The following ADH4 variants were observed in gnomAD, a reference collection of about 807,000 sequenced individuals.
ADH4 encodes all-trans-retinol dehydrogenase [NAD(+)] ADH4.
A neutral mutation model predicts 35.2 loss-of-function variants in ADH4; 31 were observed. The ratio of observed to expected loss-of-function variants is 0.88; its 90% CI spans 0.66 to 1.19. ADH4 has a LOEUF of 1.19. ADH4 is among the 50% of genes most tolerant of loss of function. The pLI, the probability that ADH4 is intolerant of heterozygous loss-of-function variation, is 0.00. For missense variants in ADH4, 476 were observed against 458.3 expected (o/e 1.04, Z -0.35); for synonymous variants, 171 against 160.2 (o/e 1.07, Z -0.51).
At chr4:99,133,205 C>T (rs1054408554) in intron 5 of ADH4, among the ~76,000 whole-genome samples, 21 of 152,160 alleles carry the variant, frequency 1.4e-4, no homozygotes, top group Non-Finnish European at 1.3e-4. Flanking sequence ...AACTGGACCC[C>T]TGTGTGTAAA....
At chr4:99,137,214 G>A (rs1430294034) in intron 4 of ADH4, among the ~76,000 whole-genome samples, 2 of 151,862 alleles carry the variant, frequency 1.3e-5, no homozygotes, top group African/African-American at 4.8e-5. Flanking sequence ...TGCAACCTCC[G>A]CCTCCTGGGT....
chr4:99,137,106 C>T (rs373641569), intron 4 of ADH4, among the ~76,000 whole-genome samples: 29 of 146,258 alleles, frequency 2.0e-4, no homozygotes, highest in South Asian at 2.3e-4. Flanking sequence ...TGCACCACTA[C>T]GCCTGGCTAA....
intron 5 of ADH4, among the ~76,000 whole-genome samples, chr4:99,132,481 T>G (rs1373794623): frequency 1.3e-5 from 2 of 151,890 alleles, no homozygotes; most frequent in African/African-American, 4.8e-5. Flanking sequence ...TTTTTGCTTT[T>G]CTTTTATTAT....
At chr4:99,138,276 T>C (rs1051923747) in intron 4 of ADH4, among the ~76,000 whole-genome samples, 1 of 152,224 alleles carries the variant, frequency 6.6e-6, no homozygotes, top group Non-Finnish European at 1.5e-5. Flanking sequence ...AACAAGTCTA[T>C]GAAGCAGGCA....
In ADH4 at chr4:99,124,375, C is replaced by G. The variant is rs1017036821; in HGVS notation, c.*67G>C. ...CATGGCTTTCCTTGGTTCATCAAAT[C>G]AGGTAATAAATTAACCAGGCAGGTT... On this transcript the variant is annotated 3_prime_UTR_variant, in exon 9 of 9. Coordinates refer to ENST00000265512, the MANE Select transcript of ADH4 (RefSeq NM_000670.5). The G allele has an allele frequency of 1.8e-6, 2 of 1,111,798 alleles. No individual in the cohort carries two copies. The highest frequency in any genetic ancestry group is 1.3e-6 in the Non-Finnish European group (1 of 752,160). 68.9% of individuals were successfully genotyped at this position (1,111,798 alleles called of 1,614,324 possible).
intron 4 of ADH4, among the ~76,000 whole-genome samples, chr4:99,137,543 T>G (rs1729482974): frequency 6.6e-6 from 1 of 152,218 alleles, no homozygotes; most frequent in Non-Finnish European, 1.5e-5. Context: ...ATTACAGGCA[T>G]GACCCACCGC....
chr4:99,134,287 G>A (rs982378610), intron 5 of ADH4, among the ~76,000 whole-genome samples: 3 of 152,070 alleles, frequency 2.0e-5, no homozygotes, highest in African/African-American at 7.2e-5. Context: ...TCTGAAAATT[G>A]CTAAGATAGT....
intron 6 of ADH4, among the ~76,000 whole-genome samples, chr4:99,128,104 A>G (rs1197965595): frequency 6.6e-6 from 1 of 152,030 alleles, no homozygotes; most frequent in Non-Finnish European, 1.5e-5. Flanking sequence ...GTTTAACCTT[A>G]TGGTTCTTAC....
Position 99,139,144 on chromosome 4 carries a change from G to T in ADH4, c.267C>A (p.Asp89Glu). ...GAGGTGCATAAAGTGGAATTACTTT[G>T]TCACCTAGAAAGAAAGGCCATATGT... ...GPGVTNVKPG[D>E]KVIPLYAPLC... Residue 89 changes from aspartate (D) to glutamate (E), a missense_variant, in exon 4 of 9, where the codon GAC becomes GAA. Transcript: ENST00000265512. 1 of 1,611,438 alleles carries T rather than the reference G, an allele frequency of 6.2e-7. No homozygotes were observed. The highest frequency in any genetic ancestry group is 8.5e-7 in the Non-Finnish European group (1 of 1,178,204).
intron 1 of ADH4, chr4:99,143,165 C>T (rs1331229962): frequency 2.8e-6 from 2 of 701,836 alleles, no homozygotes; most frequent in Non-Finnish European, 5.2e-6. Flanking sequence ...CTCTGAATTA[C>T]CTGAGTCAGA....
At position 99,142,756 on chromosome 4, in the gene ADH4, C is replaced by T. The variant is rs1465972449; in HGVS notation, c.43G>A (p.Ala15Thr). 31 of 1,602,154 alleles carry T rather than the reference C, an allele frequency of 1.9e-5. No homozygotes were observed. The highest frequency in any genetic ancestry group is 3.4e-5 in the South Asian group (3 of 89,068). The part of the protein sequence containing the change: ...GKVIKCKAAI[A>T]WEAGKPLCIE... ...CAAAGGGGCTTGCCTGCTTCCCAGGCGATGGCTGCTTTGCATTTAATAACC... is the reference window on the plus strand; with the variant it reads ...CAAAGGGGCTTGCCTGCTTCCCAGGTGATGGCTGCTTTGCATTTAATAACC... Residue 15 changes from alanine (A) to threonine (T), a missense_variant, in exon 2 of 9, where the codon GCC becomes ACC. Ala to Thr is a moderately conservative substitution (Grantham distance 58). Coordinates refer to ENST00000265512, the MANE Select transcript of ADH4 (RefSeq NM_000670.5).
chr4:99,141,767 A>G (rs1236127223), intron 2 of ADH4, 85 bp from the exon 3 acceptor site: 3 of 1,327,122 alleles, frequency 2.3e-6, no homozygotes, highest in Non-Finnish European at 2.0e-6. Context: ...GCTTGATATC[A>G]TTTTAAAACT....
Position 99,127,282 on chromosome 4 carries a change from A to G in ADH4, c.906T>C (p.Ala302=). The change falls in exon 7 of 9, where the codon GCT becomes GCC. Residue 302 remains alanine, a synonymous_variant. Transcript: ENST00000265512. ...WGSCTFIGVA[A]GSKGLTIFPE... is the part of the protein sequence containing the mutation. ...GAAAAATAGTCAATCCTTTGCTACC[A>G]GCAGCTACTCCAATGAAAGTACATG... The G allele has an allele frequency of 6.2e-7, 1 of 1,612,806 alleles. No homozygotes were observed. Among genetic ancestry groups the G allele is most frequent in the Non-Finnish European group, 8.5e-7 (1 of 1,179,180 alleles).
At chr4:99,143,295 T>C in intron 1 of ADH4, 2 of 697,244 alleles carry the variant, frequency 2.9e-6, no homozygotes, top group South Asian at 1.5e-5. Flanking sequence ...TCAAATCCAC[T>C]AAATCAAAAT....
At chr4:99,141,401 T>G (rs1441881139) in intron 3 of ADH4, 140 bp downstream of exon 3, 9 of 765,390 alleles carry the variant, frequency 1.2e-5, no homozygotes, top group Non-Finnish European at 1.6e-5. Flanking sequence ...TGTGATAAAT[T>G]GTGTCTCTCG....
At chr4:99,129,232 G>C (rs1729196483) in intron 6 of ADH4, among the ~76,000 whole-genome samples, 1 of 151,776 alleles carries the variant, frequency 6.6e-6, no homozygotes, top group African/African-American at 2.4e-5. Flanking sequence ...TTTAATAAAA[G>C]GGTTATTAAA....
chr4:99,141,162 A>G (rs1441747537), intron 3 of ADH4, among the ~76,000 whole-genome samples: 1 of 152,152 alleles, frequency 6.6e-6, no homozygotes, highest in Non-Finnish European at 1.5e-5. Flanking sequence ...TGTTCCTACA[A>G]TAGTTTGCTA....
intron 3 of ADH4, among the ~76,000 whole-genome samples, chr4:99,141,182 G>T (rs1173433942): frequency 6.6e-6 from 1 of 152,110 alleles, no homozygotes; most frequent in African/African-American, 2.4e-5. Flanking sequence ...AAGGATAATG[G>T]CTGACAGCTT....
chr4:99,131,619 G>T lies in ADH4; in HGVS notation c.728C>A (p.Ala243Asp). ...GTCTCTAGGATTGAGGCAGTCAGTG[G>T]CTCCCAGGGCTTTAGCCTTCACAAA... ...EKFVKAKALG[A>D]TDCLNPRDLH... Residue 243 changes from alanine (A) to aspartate (D), a missense_variant, in exon 6 of 9, where the codon GCC (alanine) becomes GAC (aspartate). Transcript: ENST00000265512. The T allele has an allele frequency of 6.2e-7, 1 of 1,614,062 alleles. No individual in the cohort carries two copies. The highest frequency in any genetic ancestry group is 8.5e-7 in the Non-Finnish European group (1 of 1,180,000).
Sources: allele counts gnomAD v4.1 joint callset (sites outside exome capture counted in the v4.1 genomes callset), GRCh38; gene constraint gnomAD v4.1.1; transcripts MANE v1.5; gene names NCBI Gene and HGNC (gene_info 2026-07-23, HGNC 2026-07-21).